The following STMN2 variants were observed in gnomAD, a reference collection of about 807,000 sequenced individuals.
STMN2 encodes stathmin 2.
A neutral mutation model predicts 24.1 loss-of-function variants in STMN2; 2 were observed. That is an observed-to-expected ratio of 0.08 (90% confidence interval 0.03 to 0.26). The LOEUF is 0.26. Among genes scored for constraint, STMN2 ranks in the 10% least tolerant of loss-of-function variants. The probability of loss-of-function intolerance (pLI) is 1.00; values close to 1 mark genes in which losing one functional copy is unlikely to be tolerated. For synonymous variants in STMN2, 83 were observed against 77.5 expected (o/e 1.07, Z -0.37); for missense variants, 114 against 213.6 (o/e 0.53, Z 2.91).
At position 79,612,703 on chromosome 8, in the gene STMN2, C is replaced by A. The variant is rs534183163; in HGVS notation, c.19+1489C>A. On this transcript the variant is annotated intron_variant, in intron 1 of 4. Coordinates refer to ENST00000220876, the MANE Select transcript of STMN2 (RefSeq NM_007029.4). ...TCCTGTGGCAGCTGGAAGCACGTGT[C>A]CCCCGGGACTTGGTTGCAGGATGCG... 1.8e-4 allele frequency among the ~76,000 whole-genome samples: 28 copies of A among 152,306 alleles called. No individual in the cohort carries two copies. The South Asian group carries it at 5.6e-3, about 30-fold the overall frequency.
intron 1 of STMN2, chr8:79,621,039 G>A (rs912798199): frequency 1.4e-5 from 14 of 985,110 alleles, no homozygotes; most frequent in Admixed American, 6.2e-5. Context: ...GCAACAAGGC[G>A]TCAAGAGGTC....
intron 1 of STMN2, among the ~76,000 whole-genome samples, chr8:79,624,237 G>A (rs1014974209): frequency 6.6e-6 from 1 of 152,018 alleles, no homozygotes; most frequent in Non-Finnish European, 1.5e-5. Context: ...GGCGGATCAC[G>A]AGGTCAGGAG....
intron 3 of STMN2, among the ~76,000 whole-genome samples, chr8:79,651,069 A>G (rs13258494): frequency 0.083 from 12,597 of 152,282 alleles, 715 homozygotes; most frequent in Non-Finnish European, 0.13. Context: ...TGTGGACTTA[A>G]GTTTTAAATA....
At chr8:79,628,442 C>T (rs1162077995) in intron 1 of STMN2, among the ~76,000 whole-genome samples, 3 of 152,126 alleles carry the variant, frequency 2.0e-5, no homozygotes, top group Admixed American at 6.5e-5. Flanking sequence ...TGAGCCACCA[C>T]GCCTGGCCTA....
At chr8:79,632,359 G>A (rs1407684175) in intron 1 of STMN2, among the ~76,000 whole-genome samples, 1 of 152,098 alleles carries the variant, frequency 6.6e-6, no homozygotes, top group Non-Finnish European at 1.5e-5. Flanking sequence ...TTTATCCCCA[G>A]GCACATTTCA....
intron 3 of STMN2, among the ~76,000 whole-genome samples, chr8:79,649,419 C>A (rs547786481): frequency 6.6e-6 from 1 of 152,112 alleles, no homozygotes; most frequent in East Asian, 1.9e-4. Context: ...TTTAAATTTC[C>A]TGTTATGCTT....
At chr8:79,627,673 T>C (rs1809689238) in intron 1 of STMN2, among the ~76,000 whole-genome samples, 1 of 152,212 alleles carries the variant, frequency 6.6e-6, no homozygotes, top group African/African-American at 2.4e-5. Flanking sequence ...TGTCACATCA[T>C]AGGTAATATT....
intron 3 of STMN2, among the ~76,000 whole-genome samples, chr8:79,643,228 CTATATA>C (rs34434345): frequency 0.13 from 17,888 of 142,106 alleles, 1,241 homozygotes; most frequent in Middle Eastern, 0.18. Context: ...ACTAACTCGA[CTATATA>C]TATATATATA....
chr8:79,654,239 C>A (rs560333771), intron 3 of STMN2, among the ~76,000 whole-genome samples: 3 of 151,944 alleles, frequency 2.0e-5, no homozygotes, highest in Admixed American at 2.0e-4. Context: ...CACTGAGCAA[C>A]CACAGGGTTT....
At chr8:79,613,759 G>A in intron 1 of STMN2, 1 of 985,396 alleles carries the variant, frequency 1.0e-6, no homozygotes, top group Non-Finnish European at 1.2e-6. Flanking sequence ...CCCACAAAAA[G>A]GTAAATTTGT....
At chr8:79,613,338 G>A (rs1018564164) in intron 1 of STMN2, 1 of 971,678 alleles carries the variant, frequency 1.0e-6, no homozygotes. Context: ...TGTGTGGAGC[G>A]CAGCCAGCCC....
intron 1 of STMN2, among the ~76,000 whole-genome samples, chr8:79,634,238 G>A (rs890357794): frequency 6.6e-6 from 1 of 152,106 alleles, no homozygotes; most frequent in South Asian, 2.1e-4. Context: ...TTATGCTCTG[G>A]CAGAAATTAT....
At chr8:79,635,857 C>T (rs1809935256) in intron 1 of STMN2, among the ~76,000 whole-genome samples, 2 of 151,844 alleles carry the variant, frequency 1.3e-5, no homozygotes, top group Non-Finnish European at 2.9e-5. Context: ...TTTAATATTC[C>T]CATGTAAAAA....
At position 79,638,382 on chromosome 8, in the gene STMN2, G is replaced by A. The variant is rs28718624; in HGVS notation, c.115+1485G>A. ...AAATAAGCTGTTTTTATTTGCCTGC[G>A]TTCTCTTATAATCCTTTTCCATAGG... is the stretch of plus-strand genomic sequence containing the variant. On this transcript the variant is annotated intron_variant, in intron 2 of 4. Coordinates refer to ENST00000220876, the MANE Select transcript of STMN2 (RefSeq NM_007029.4). Among the ~76,000 whole-genome samples the A allele has an allele frequency of 1.4e-3, 210 of 152,236 alleles. 2 individuals carry two copies. The highest frequency in any genetic ancestry group is 4.6e-3 in the African/African-American group (193 of 41,528).
chr8:79,637,294 T>A (rs1809987296), intron 2 of STMN2, among the ~76,000 whole-genome samples: 1 of 152,230 alleles, frequency 6.6e-6, no homozygotes, highest in African/African-American at 2.4e-5. Flanking sequence ...TTGTTTTTGC[T>A]TTATTGTAGT....
In STMN2 at chr8:79,664,883, A is replaced by T; in HGVS notation, c.*9A>T. ...TTGAACTGTCTGGCTGAAGCAAGGGAGGGTCTGGCACGCCCCACCAATAGT... is the reference window on the plus strand; with the variant it reads ...TTGAACTGTCTGGCTGAAGCAAGGGTGGGTCTGGCACGCCCCACCAATAGT... On this transcript the variant is annotated 3_prime_UTR_variant, in exon 5 of 5. Coordinates refer to ENST00000220876, the MANE Select transcript of STMN2 (RefSeq NM_007029.4). The T allele has an allele frequency of 6.2e-7, 1 of 1,612,102 alleles. No individual in the cohort carries two copies. Among genetic ancestry groups the T allele is most frequent in the South Asian group, 1.1e-5 (1 of 90,956 alleles).
At chr8:79,611,378 G>C (rs1405583893) in intron 1 of STMN2, among the ~76,000 whole-genome samples, 164 bp downstream of exon 1, 1 of 152,220 alleles carries the variant, frequency 6.6e-6, no homozygotes, top group Non-Finnish European at 1.5e-5. Context: ...TGGGAGGGCA[G>C]AGAAGAGGTC....
intron 3 of STMN2, among the ~76,000 whole-genome samples, chr8:79,654,217 C>G (rs770237574): frequency 6.6e-6 from 1 of 152,064 alleles, no homozygotes; most frequent in Non-Finnish European, 1.5e-5. Context: ...GGGTGTACAT[C>G]TGGATCTAAA....
chr8:79,622,373 A>T (rs1809536449), intron 1 of STMN2, among the ~76,000 whole-genome samples: 1 of 152,236 alleles, frequency 6.6e-6, no homozygotes, highest in Non-Finnish European at 1.5e-5. Flanking sequence ...TAAAGTGAAC[A>T]TCTCAATTCT....
Sources: allele counts gnomAD v4.1 joint callset (sites outside exome capture counted in the v4.1 genomes callset), GRCh38; gene constraint gnomAD v4.1.1; transcripts MANE v1.5; gene names NCBI Gene and HGNC (gene_info 2026-07-23, HGNC 2026-07-21).